SLC5A1: variants seen among roughly 807,000 people sequenced by gnomAD.
SLC5A1 encodes sodium/glucose cotransporter 1.
A neutral mutation model predicts 73.5 loss-of-function variants in SLC5A1; 42 were observed. The observed-to-expected ratio is 0.57, with a 90% CI of 0.45 to 0.74. The LOEUF (loss-of-function observed/expected upper bound fraction) is 0.74, where lower values mean the gene tolerates loss of function less well. Ranked by LOEUF, SLC5A1 falls within the 30% of genes least tolerant of loss-of-function variation. The pLI, the probability that SLC5A1 is intolerant of heterozygous loss-of-function variation, is 0.00. For synonymous variants in SLC5A1, 300 were observed against 317.4 expected, an observed-to-expected ratio of 0.95 and a Z score of 0.58; for missense variants, 634 against 855.4, an observed-to-expected ratio of 0.74 and a Z score of 3.23.
rs749082931 is a variant in SLC5A1 at position 32,083,090 on chromosome 22, G to C, written c.600G>C (p.Val200=). Residue 200 remains valine, a synonymous_variant, in exon 7 of 15, where the codon GTG becomes GTC. Transcript: ENST00000266088. ...LYTITGGLAA[V]IYTDTLQTVI... is the part of the protein sequence containing the mutation. The stretch of plus-strand genomic sequence containing the variant: ...CCTGCTTAGGGGGCCTGGCGGCGGT[G>C]ATTTACACGGACACCTTGCAGACGG... 9 of 1,614,186 alleles carry C rather than the reference G, an allele frequency of 5.6e-6. No individual in the cohort carries two copies. Among genetic ancestry groups the C allele is most frequent in the Non-Finnish European group, 7.6e-6 (9 of 1,180,008 alleles).
intron 10 of SLC5A1, among the ~76,000 whole-genome samples, chr22:32,088,424 C>T (rs749291108): frequency 2.6e-5 from 4 of 151,432 alleles, no homozygotes; most frequent in Admixed American, 6.6e-5. Flanking sequence ...GCAACCTCCA[C>T]CTCCCCAGTT....
intron 13 of SLC5A1, among the ~76,000 whole-genome samples, chr22:32,102,758 ACTCT>A (rs1488023563): frequency 1.3e-5 from 2 of 151,898 alleles, no homozygotes; most frequent in African/African-American, 4.8e-5. Flanking sequence ...CCATCAATCT[ACTCT>A]CTATCTCCAT....
intron 5 of SLC5A1, among the ~76,000 whole-genome samples, chr22:32,075,948 T>C (rs896375483): frequency 6.6e-6 from 1 of 152,192 alleles, no homozygotes; most frequent in Non-Finnish European, 1.5e-5. Context: ...AAAATAACTG[T>C]TCATTAACAA....
intron 5 of SLC5A1, among the ~76,000 whole-genome samples, chr22:32,071,774 T>C (rs775720617): frequency 2.0e-5 from 3 of 152,264 alleles, no homozygotes; most frequent in Non-Finnish European, 4.4e-5. Flanking sequence ...GTGAGTTGGA[T>C]TGGATCTGAA....
intron 14 of SLC5A1, among the ~76,000 whole-genome samples, chr22:32,106,898 G>T (rs980695725): frequency 1.3e-5 from 2 of 152,154 alleles, no homozygotes; most frequent in African/African-American, 2.4e-5. Context: ...GTGTAGCTCA[G>T]AACAGATTCT....
chr22:32,060,439 T>G (rs2093960581), intron 2 of SLC5A1, among the ~76,000 whole-genome samples: 1 of 152,100 alleles, frequency 6.6e-6, no homozygotes, highest in African/African-American at 2.4e-5. Flanking sequence ...AGGTCATCTG[T>G]CTGGCTCATC....
intron 2 of SLC5A1, among the ~76,000 whole-genome samples, chr22:32,061,570 G>A (rs1162714239): frequency 6.6e-6 from 1 of 152,206 alleles, no homozygotes; most frequent in East Asian, 1.9e-4. Context: ...GAGCCATTGT[G>A]TCTTGTTAAG....
intron 14 of SLC5A1, among the ~76,000 whole-genome samples, chr22:32,106,777 G>A (rs1448680785): frequency 6.6e-6 from 1 of 152,196 alleles, no homozygotes; most frequent in Non-Finnish European, 1.5e-5. Flanking sequence ...ACACGTGGAG[G>A]ATGGTTGTGG....
intron 11 of SLC5A1, among the ~76,000 whole-genome samples, chr22:32,097,743 A>G (rs978029684): frequency 1.3e-5 from 2 of 152,222 alleles, no homozygotes; most frequent in African/African-American, 4.8e-5. Flanking sequence ...ACTCTCACTT[A>G]GTTAACTATC....
chr22:32,065,290 A>T (rs972518659), intron 2 of SLC5A1, among the ~76,000 whole-genome samples: 2 of 152,076 alleles, frequency 1.3e-5, no homozygotes, highest in East Asian at 3.9e-4. Context: ...AATCATTATC[A>T]TATATCAACC....
chr22:32,061,279 C>T (rs1323760194), intron 2 of SLC5A1, among the ~76,000 whole-genome samples: 1 of 152,082 alleles, frequency 6.6e-6, no homozygotes, highest in African/African-American at 2.4e-5. Flanking sequence ...GCTGGGCATG[C>T]TGGCATGCAG....
At position 32,112,414 on chromosome 22, in the gene SLC5A1, G is replaced by A. The variant is rs1394513769; in HGVS notation, c.*2201G>A. 2 of 152,286 alleles carry A rather than the reference G, an allele frequency of 1.3e-5. No individual in the cohort carries two copies. Among genetic ancestry groups the A allele is most frequent in the Non-Finnish European group, 2.9e-5 (2 of 68,030 alleles). The allele number at this position is 152,286 out of a possible 1,614,324, so 9.4% of individuals were successfully genotyped here. On this transcript the variant is annotated 3_prime_UTR_variant, in exon 15 of 15. Coordinates refer to ENST00000266088, the MANE Select transcript of SLC5A1 (RefSeq NM_000343.4). ...AGCATAATGCAGACTTCACAGAGCT[G>A]TTGTAAAGATTAGGTGAGGTCAATT...
chr22:32,054,002 G>A (rs1026373765), intron 2 of SLC5A1, among the ~76,000 whole-genome samples: 6 of 152,018 alleles, frequency 3.9e-5, no homozygotes, highest in African/African-American at 1.2e-4. Flanking sequence ...ATGAAACCCC[G>A]TCTCTACTAA....
intron 10 of SLC5A1, among the ~76,000 whole-genome samples, chr22:32,090,542 A>G (rs2094015454): frequency 6.6e-6 from 1 of 152,076 alleles, no homozygotes; most frequent in Non-Finnish European, 1.5e-5. Context: ...TCAATTGCTT[A>G]TGCATTTTGT....
At chr22:32,046,385 A>G (rs1423178413) in intron 1 of SLC5A1, among the ~76,000 whole-genome samples, 1 of 144,250 alleles carries the variant, frequency 6.9e-6, no homozygotes. Context: ...TTTTTTTTTA[A>G]GTTGGTGCTT....
intron 2 of SLC5A1, among the ~76,000 whole-genome samples, chr22:32,065,630 G>A (rs969578154): frequency 3.3e-5 from 5 of 152,178 alleles, no homozygotes; most frequent in Non-Finnish European, 1.5e-5. Context: ...ATTCACAGCT[G>A]TTATTAGTGC....
In SLC5A1 at chr22:32,070,181, C is replaced by T. The variant is rs903396735; in HGVS notation, c.477+1581C>T. Among the ~76,000 whole-genome samples the T allele has an allele frequency of 7.2e-5, 10 of 139,658 alleles. No individual in the cohort carries two copies. In the Admixed American group the frequency reaches 7.8e-4, roughly 11 times the overall value. 91.6% of individuals were successfully genotyped at this position (139,658 alleles called of 152,430 possible). On this transcript the variant is annotated intron_variant, in intron 5 of 14. Transcript: ENST00000266088. The stretch of plus-strand genomic sequence containing the variant: ...CTGAGCAGAGCTCTTGGCTGACCTA[C>T]TGGAGCAAACATTGTGTTTCTCTTC...
intron 1 of SLC5A1, among the ~76,000 whole-genome samples, chr22:32,047,419 T>C (rs1458797513): frequency 6.8e-6 from 1 of 147,510 alleles, no homozygotes; most frequent in Non-Finnish European, 1.5e-5. Flanking sequence ...ACCTTCAGAA[T>C]GGCTTTTCCT....
At chr22:32,052,782 T>C (rs981963669) in intron 2 of SLC5A1, among the ~76,000 whole-genome samples, 3 of 151,952 alleles carry the variant, frequency 2.0e-5, no homozygotes, top group Admixed American at 1.3e-4. Context: ...TTGACAAATA[T>C]GGGCTGAATT....
Sources: allele counts gnomAD v4.1 joint callset (sites outside exome capture counted in the v4.1 genomes callset), GRCh38; gene constraint gnomAD v4.1.1; transcripts MANE v1.5; gene names NCBI Gene and HGNC (gene_info 2026-07-23, HGNC 2026-07-21).